Variants in MCTP1 observed in about 807,000 individuals in gnomAD.
MCTP1 encodes the protein multiple C2 and transmembrane domain containing 1.
A neutral mutation model predicts 120.6 loss-of-function variants in MCTP1; 69 were observed. That is an observed-to-expected ratio of 0.57 (90% CI 0.47 to 0.70). The LOEUF (loss-of-function observed/expected upper bound fraction) is 0.70. Among genes scored for constraint, MCTP1 ranks in the 30% least tolerant of loss-of-function variants. The pLI, the probability that MCTP1 is intolerant of heterozygous loss-of-function variation, is 0.00. For missense variants in MCTP1, 1,203 were observed against 1,248.8 expected (o/e 0.96, Z 0.55); for synonymous variants, 529 against 493.1 (o/e 1.07, Z -0.96).
intron 1 of MCTP1, among the ~76,000 whole-genome samples, chr5:95,027,788 A>C (rs780155540): frequency 7.9e-5 from 12 of 152,182 alleles, no homozygotes; most frequent in Non-Finnish European, 1.8e-4. Flanking sequence ...CTTCTTTGAG[A>C]CAGCTTCAAT....
At chr5:94,947,116 G>T (rs1819139040) in intron 3 of MCTP1, among the ~76,000 whole-genome samples, 1 of 152,058 alleles carries the variant, frequency 6.6e-6, no homozygotes. Context: ...TTGCTTGCCT[G>T]GTCTCTGTCT....
intron 17 of MCTP1, chr5:94,868,127 A>T (rs1195879680): frequency 1.3e-5 from 5 of 387,452 alleles, no homozygotes; most frequent in East Asian, 8.1e-5. Context: ...GCGTTCCGGA[A>T]ATCTGAGGGG....
intron 15 of MCTP1, 106 bp from the exon 16 acceptor site, chr5:94,870,597 C>A: frequency 1.2e-6 from 1 of 843,806 alleles, no homozygotes; most frequent in South Asian, 1.5e-5. Flanking sequence ...AAAGTCCTGG[C>A]TGCTGTGCTC....
chr5:94,958,952 G>T (rs1324753997), intron 2 of MCTP1, among the ~76,000 whole-genome samples: 1 of 152,026 alleles, frequency 6.6e-6, no homozygotes, highest in Middle Eastern at 3.2e-3. Flanking sequence ...CCAAAACCTG[G>T]CAGAGACACA....
At chr5:94,783,733 C>T (rs1561630063) in intron 18 of MCTP1, among the ~76,000 whole-genome samples, 1 of 151,894 alleles carries the variant, frequency 6.6e-6, no homozygotes, top group Non-Finnish European at 1.5e-5. Context: ...GGTTAAAAGG[C>T]CCATGAATTA....
At chr5:95,161,688 T>C (rs916856395) in intron 1 of MCTP1, among the ~76,000 whole-genome samples, 4 of 152,054 alleles carry the variant, frequency 2.6e-5, no homozygotes, top group South Asian at 2.1e-4. Flanking sequence ...TTGTACCCCA[T>C]AAAAATAAAC....
intron 1 of MCTP1, among the ~76,000 whole-genome samples, chr5:95,224,506 C>CTT (rs11324947): frequency 1.4e-4 from 16 of 111,378 alleles, no homozygotes; most frequent in African/African-American, 4.8e-4. Flanking sequence ...CACAGACTGT[C>CTT]TTTTTTTTTT....
intron 2 of MCTP1, among the ~76,000 whole-genome samples, chr5:94,966,504 G>T (rs1825633076): frequency 6.6e-6 from 1 of 152,070 alleles, no homozygotes; most frequent in Non-Finnish European, 1.5e-5. Context: ...CAGTTAATAA[G>T]GATGTGGCTG....
intron 10 of MCTP1, among the ~76,000 whole-genome samples, chr5:94,901,565 T>G (rs989898224): frequency 6.6e-6 from 1 of 152,136 alleles, no homozygotes; most frequent in African/African-American, 2.4e-5. Context: ...TGGCAAGAAC[T>G]TGAACCATGT....
intron 19 of MCTP1, among the ~76,000 whole-genome samples, chr5:94,719,191 A>T (rs1244189573): frequency 6.6e-6 from 1 of 152,218 alleles, no homozygotes; most frequent in African/African-American, 2.4e-5. Context: ...AGAAATAGGA[A>T]CACTTTTACA....
At chr5:95,160,091 T>C (rs1745552517) in intron 1 of MCTP1, among the ~76,000 whole-genome samples, 2 of 152,208 alleles carry the variant, frequency 1.3e-5, no homozygotes, top group African/African-American at 4.8e-5. Flanking sequence ...GTGCTTTGTA[T>C]ACAACGGCAG....
chr5:95,284,696 G>T lies in MCTP1; in HGVS notation c.-121C>A. The T allele has an allele frequency of 1.2e-6, 1 of 849,872 alleles. No individual in the cohort carries two copies. Among genetic ancestry groups the T allele is most frequent in the Non-Finnish European group, 1.7e-6 (1 of 597,698 alleles). 52.6% of individuals were successfully genotyped at this position (849,872 alleles called of 1,614,324 possible). ...GCTGGCGGTGGCGGCGGCGGCGGCG[G>T]CGGGCGCAGCAGCAGAAACCGGGAG... On this transcript the variant is annotated 5_prime_UTR_variant, in exon 1 of 23. Transcript: ENST00000515393. The surrounding 1 kb of genome is among the most constrained non-coding windows in gnomAD (Gnocchi z 5.2).
At chr5:94,867,533 G>A in intron 17 of MCTP1, 2 of 528,444 alleles carry the variant, frequency 3.8e-6, no homozygotes, top group Non-Finnish European at 3.4e-6. Context: ...CAACTATAAG[G>A]AAGCATAAGG....
At chr5:94,863,583 T>C (rs557624500) in intron 17 of MCTP1, among the ~76,000 whole-genome samples, 18 of 151,938 alleles carry the variant, frequency 1.2e-4, no homozygotes, top group Non-Finnish European at 2.7e-4. Flanking sequence ...TGTTTTCACA[T>C]TGATACTTCT....
intron 1 of MCTP1, among the ~76,000 whole-genome samples, chr5:95,135,818 G>T (rs1759406948): frequency 6.6e-6 from 1 of 152,090 alleles, no homozygotes; most frequent in East Asian, 1.9e-4. Context: ...TCCCTCTAGG[G>T]AACCCTGACT....
chr5:95,270,793 G>C (rs1759317255), intron 1 of MCTP1, among the ~76,000 whole-genome samples: 1 of 152,124 alleles, frequency 6.6e-6, no homozygotes, highest in Non-Finnish European at 1.5e-5. Flanking sequence ...AGCCAGGTGT[G>C]ATGGCAGGCA....
intron 1 of MCTP1, among the ~76,000 whole-genome samples, chr5:95,228,727 C>T (rs78156840): frequency 0.012 from 1,808 of 152,242 alleles, 39 homozygotes; most frequent in African/African-American, 0.04. Flanking sequence ...CACCATCCTC[C>T]TTGGTACCGT....
intron 1 of MCTP1, among the ~76,000 whole-genome samples, chr5:95,093,399 A>G (rs1275092636): frequency 5.3e-5 from 8 of 152,172 alleles, no homozygotes. Flanking sequence ...GAGTGGGTCT[A>G]CAGCAGTTTA....
intron 1 of MCTP1, among the ~76,000 whole-genome samples, chr5:95,263,598 A>G (rs1758648001): frequency 6.6e-6 from 1 of 152,222 alleles, no homozygotes; most frequent in African/African-American, 2.4e-5. Flanking sequence ...ATAAATGGTC[A>G]TTCCTGAAGG....
Sources: allele counts gnomAD v4.1 joint callset (sites outside exome capture counted in the v4.1 genomes callset), GRCh38; gene constraint gnomAD v4.1.1; non-coding constraint Gnocchi (gnomAD v3.1); transcripts MANE v1.5; gene names NCBI Gene and HGNC (gene_info 2026-07-23, HGNC 2026-07-21).